Variants in MICU1 observed in about 807,000 individuals in gnomAD.
The protein encoded by MICU1 is mitochondrial calcium uptake 1, also known as calcium uptake protein 1, mitochondrial.
Under a neutral mutation model 56.8 loss-of-function variants are expected in MICU1, and 45 were observed. The ratio of observed to expected loss-of-function variants is 0.79; its 90% CI spans 0.62 to 1.02. The LOEUF (loss-of-function observed/expected upper bound fraction) is 1.02. Ranked by LOEUF, MICU1 falls within the 50% of genes least tolerant of loss-of-function variation. MICU1 has a pLI of 0.00. For synonymous variants in MICU1, 186 were observed against 195.1 expected (o/e 0.95, Z 0.39); for missense variants, 504 against 587.1 (o/e 0.86, Z 1.46).
intron 6 of MICU1, among the ~76,000 whole-genome samples, chr10:72,503,347 T>A (rs1256942933): frequency 6.6e-6 from 1 of 152,104 alleles, no homozygotes; most frequent in East Asian, 1.9e-4. Flanking sequence ...AATAAACAAG[T>A]GGTTCTCAGA....
chr10:72,411,453 G>A (rs1158317608), intron 9 of MICU1, among the ~76,000 whole-genome samples: 5 of 151,310 alleles, frequency 3.3e-5, no homozygotes, highest in Non-Finnish European at 2.9e-5. Flanking sequence ...TCAGCCTCCC[G>A]GGTAGCTGGG....
At chr10:72,371,633 A>G (rs1862344481) in intron 11 of MICU1, among the ~76,000 whole-genome samples, 1 of 152,098 alleles carries the variant, frequency 6.6e-6, no homozygotes, top group Admixed American at 6.6e-5. Context: ...AATCCCACCT[A>G]CTTGGGAGGC....
intron 8 of MICU1, among the ~76,000 whole-genome samples, chr10:72,450,232 A>AGCAGGAAAAGATATGAGTGAGGTTT (rs1865253272): frequency 6.6e-6 from 1 of 152,022 alleles, no homozygotes; most frequent in African/African-American, 2.4e-5. Flanking sequence ...GAGGTGGTGA[A>AGCAGGAAAAGATATGAGTGAGGTTT]GCAGGAAAAG....
intron 10 of MICU1, among the ~76,000 whole-genome samples, chr10:72,404,786 G>C (rs1485449754): frequency 6.6e-6 from 1 of 152,056 alleles, no homozygotes; most frequent in Non-Finnish European, 1.5e-5. Context: ...GAAAGAAATT[G>C]GCAAGTCCAG....
intron 3 of MICU1, among the ~76,000 whole-genome samples, chr10:72,557,924 A>T (rs2132457673): frequency 6.6e-6 from 1 of 152,318 alleles, no homozygotes; most frequent in African/African-American, 2.4e-5. Context: ...CACATTTTAC[A>T]TCTTTTAATA....
chr10:72,407,085 T>C (rs955204596), intron 10 of MICU1, among the ~76,000 whole-genome samples: 2 of 152,074 alleles, frequency 1.3e-5, no homozygotes, highest in Non-Finnish European at 2.9e-5. Context: ...TAATCTATGG[T>C]GGAAAAATAT....
intron 11 of MICU1, among the ~76,000 whole-genome samples, chr10:72,369,252 T>C (rs1862247317): frequency 6.7e-6 from 1 of 148,842 alleles, no homozygotes; most frequent in Non-Finnish European, 1.5e-5. Flanking sequence ...CAGTGTGCTA[T>C]GATGACCACT....
chr10:72,376,464 C>T lies in MICU1; in HGVS notation c.1181-592G>A, dbSNP rs538933034. Among the ~76,000 whole-genome samples, 29 of 151,384 alleles carry T rather than the reference C, an allele frequency of 1.9e-4. No homozygotes were observed. In the South Asian group the frequency reaches 5.0e-3, roughly 26 times the overall value. The stretch of plus-strand genomic sequence containing the variant: ...ACTTTGGGATTCCGAGGCAACATGG[C>T]GAAACCCTGTCTCTACAAAAAATAC... On this transcript the variant is annotated intron_variant, in intron 10 of 11. Coordinates refer to ENST00000361114, the MANE Select transcript of MICU1 (RefSeq NM_001195518.2).
chr10:72,392,374 A>G (rs1863106471), intron 10 of MICU1, among the ~76,000 whole-genome samples: 1 of 152,184 alleles, frequency 6.6e-6, no homozygotes, highest in Admixed American at 6.5e-5. Context: ...GTTCAAGACC[A>G]GCCTGGCCAA....
chr10:72,438,994 CT>C (rs1675989604), intron 8 of MICU1, among the ~76,000 whole-genome samples: 1 of 152,164 alleles, frequency 6.6e-6, no homozygotes, highest in Non-Finnish European at 1.5e-5. Flanking sequence ...GGTACCATTC[CT>C]TCTGAAACTA....
In MICU1 at chr10:72,437,201, G is replaced by A. The variant is rs191973677; in HGVS notation, c.934-13830C>T. Among the ~76,000 whole-genome samples the A allele has an allele frequency of 5.2e-3, 784 of 152,232 alleles. 5 individuals carry two copies. The highest frequency in any genetic ancestry group is 0.014 in the Middle Eastern group (4 of 294). On this transcript the variant is annotated intron_variant, in intron 8 of 11. Coordinates refer to ENST00000361114, the MANE Select transcript of MICU1 (RefSeq NM_001195518.2). ...CCATCAGACTAACAGCAGATCTCTC[G>A]GCAGAAACCCTACAAGCCAGAAGAG... is the stretch of plus-strand genomic sequence containing the variant.
chr10:72,614,224 C>A lies in MICU1; in HGVS notation c.-2+11786G>T, dbSNP rs559009844. Among the ~76,000 whole-genome samples, 951 of 151,196 alleles carry A rather than the reference C, an allele frequency of 6.3e-3. 8 individuals are homozygous for A. The highest frequency in any genetic ancestry group is 0.014 in the South Asian group (67 of 4,754). ...TATTACTTAAATTTTAAAAAAAAAACAAGTGTTGACAAGGATGTGTAGAAA... is the reference window on the plus strand; with the variant it reads ...TATTACTTAAATTTTAAAAAAAAAAAAAGTGTTGACAAGGATGTGTAGAAA... On this transcript the variant is annotated intron_variant, in intron 1 of 11. Coordinates refer to ENST00000361114, the MANE Select transcript of MICU1 (RefSeq NM_001195518.2).
At chr10:72,490,118 T>A (rs1343880517) in intron 6 of MICU1, among the ~76,000 whole-genome samples, 1 of 152,194 alleles carries the variant, frequency 6.6e-6, no homozygotes, top group South Asian at 2.1e-4. Flanking sequence ...AAGGACAATA[T>A]TCATTTACAC....
At chr10:72,420,081 C>T (rs973267259) in intron 9 of MICU1, among the ~76,000 whole-genome samples, 6 of 152,016 alleles carry the variant, frequency 3.9e-5, no homozygotes, top group Non-Finnish European at 5.9e-5. Flanking sequence ...TTTTTTAAGA[C>T]GGAGTTTCGC....
intron 9 of MICU1, among the ~76,000 whole-genome samples, chr10:72,416,971 G>A (rs61348017): frequency 0.039 from 5,964 of 152,164 alleles, 326 homozygotes; most frequent in African/African-American, 0.12. Context: ...AATCTGTTTC[G>A]TTCCAGTAGG....
intron 6 of MICU1, among the ~76,000 whole-genome samples, chr10:72,478,019 C>T (rs1401742696): frequency 6.6e-6 from 1 of 152,070 alleles, no homozygotes; most frequent in Non-Finnish European, 1.5e-5. Flanking sequence ...CAGGCATGTA[C>T]AACCATGCCT....
intron 8 of MICU1, among the ~76,000 whole-genome samples, chr10:72,432,288 T>TA (rs1211968954): frequency 6.6e-6 from 1 of 152,002 alleles, no homozygotes; most frequent in African/African-American, 2.4e-5. Context: ...TACAAATAAA[T>TA]ATAAAAACCA....
At chr10:72,579,315 G>A (rs950675301) in intron 1 of MICU1, among the ~76,000 whole-genome samples, 2 of 152,150 alleles carry the variant, frequency 1.3e-5, no homozygotes, top group Admixed American at 6.6e-5. Flanking sequence ...GTAAGGGCCT[G>A]TTCCGCATAG....
At chr10:72,524,357 C>T (rs1867907464) in intron 5 of MICU1, among the ~76,000 whole-genome samples, 1 of 152,190 alleles carries the variant, frequency 6.6e-6, no homozygotes, top group Non-Finnish European at 1.5e-5. Flanking sequence ...CCTGCCTCTG[C>T]CTCTCAAAGT....
Sources: gnomAD v4.1 joint callset for allele counts (sites outside exome capture counted in the v4.1 genomes callset) on GRCh38, gnomAD v4.1.1 for gene constraint, MANE v1.5 for transcripts, NCBI Gene and HGNC (gene_info 2026-07-23, HGNC 2026-07-21) for gene names.